Variants in BTN3A2 observed in about 807,000 individuals in gnomAD.
The protein encoded by BTN3A2 is butyrophilin subfamily 3 member A2.
BTN3A2 carries 25 observed loss-of-function variants against 37.6 expected under a neutral mutation model. The ratio of observed to expected loss-of-function variants is 0.66; its 90% CI spans 0.48 to 0.93. The LOEUF is 0.93. BTN3A2 is among the 40% of genes least tolerant of loss of function. The pLI, the probability that BTN3A2 is intolerant of heterozygous loss-of-function variation, is 0.00. For missense variants in BTN3A2, 266 were observed against 410.9 expected (o/e 0.65, Z 3.05); for synonymous variants, 122 against 159.4 (o/e 0.77, Z 1.77).
rs1561797857 is a variant in BTN3A2, at chr6:26,368,174, G to A, written c.-5-4G>A. The A allele has an allele frequency of 1.9e-6, 3 of 1,614,032 alleles. No individual in the cohort carries two copies. Among genetic ancestry groups the A allele is most frequent in the South Asian group, 2.2e-5 (2 of 91,078 alleles). On this transcript the variant is annotated splice_polypyrimidine_tract_variant and splice_region_variant and intron_variant, in intron 2 of 10. Transcript: ENST00000377708. Reference sequence around the variant, plus strand: ...CACACCTTCTGGTATCTCTTGATATGCAGCATAGATGAAAATGGCAAGTTC... The same window carrying A: ...CACACCTTCTGGTATCTCTTGATATACAGCATAGATGAAAATGGCAAGTTC...
Position 26,376,760 on chromosome 6 carries a change from G to A in BTN3A2, c.*998G>A. The A allele has an allele frequency of 6.2e-7, 1 of 1,607,650 alleles. No individual in the cohort carries two copies. The highest frequency in any genetic ancestry group is 1.1e-5 in the South Asian group (1 of 90,962). On this transcript the variant is annotated 3_prime_UTR_variant, in exon 11 of 11. Coordinates refer to ENST00000377708, the MANE Select transcript of BTN3A2 (RefSeq NM_007047.5). Reference sequence around the variant, plus strand: ...GACACTACTGGGAGGTGGAAGTGGGGGACAGAAAAGAGTGGCATATTGGGG... The same window carrying A: ...GACACTACTGGGAGGTGGAAGTGGGAGACAGAAAAGAGTGGCATATTGGGG...
intron 5 of BTN3A2, among the ~76,000 whole-genome samples, chr6:26,371,247 C>T (rs983357812): frequency 2.6e-5 from 4 of 151,648 alleles, no homozygotes; most frequent in Admixed American, 6.6e-5. Context: ...GATTACAGAG[C>T]GAGACTCTGT....
Position 26,377,168 on chromosome 6 carries a change from C to G in BTN3A2, c.*1406C>G, listed in dbSNP as rs1193502520. On this transcript the variant is annotated 3_prime_UTR_variant, in exon 11 of 11. Coordinates refer to ENST00000377708, the MANE Select transcript of BTN3A2 (RefSeq NM_007047.5). The stretch of plus-strand genomic sequence containing the variant: ...CCCTGGAGATACCACTGACCCCAGG[C>G]TTAGCTAATGAAAGTGGGGAGCCTC... The G allele has an allele frequency of 7.9e-7, 1 of 1,263,368 alleles. No homozygotes were observed. The allele number at this position is 1,263,368 out of a possible 1,614,324, so 78.3% of individuals were successfully genotyped here.
Position 26,378,063 on chromosome 6 carries a change from T to A in BTN3A2, c.*2301T>A, listed in dbSNP as rs1425318461. ...CCCTAGAGATTCTCTGTAATATTGG[T>A]AATTTGGATGAAGGAAGCTAGAAGA... On this transcript the variant is annotated 3_prime_UTR_variant, in exon 11 of 11. Coordinates refer to ENST00000377708, the MANE Select transcript of BTN3A2 (RefSeq NM_007047.5). The A allele has an allele frequency of 6.6e-6, 1 of 152,132 alleles. No individual in the cohort carries two copies. The highest frequency in any genetic ancestry group is 1.5e-5 in the Non-Finnish European group (1 of 68,030). The allele number at this position is 152,132 out of a possible 1,614,324, so 9.4% of individuals were successfully genotyped here.
In BTN3A2 at chr6:26,375,921, C is replaced by T. The variant is rs148632805; in HGVS notation, c.*159C>T. On this transcript the variant is annotated 3_prime_UTR_variant, in exon 11 of 11. Transcript: ENST00000377708. ...TCGAGTGAAGATTGAAAATTAACCT[C>T]TGAGGGCCAGCACAGCAGCTCATGC... 1.4e-6 allele frequency: 2 copies of T among 1,474,382 alleles called. No individual in the cohort carries two copies. Among genetic ancestry groups the T allele is most frequent in the Non-Finnish European group, 1.8e-6 (2 of 1,081,160 alleles). 91.3% of individuals were successfully genotyped at this position (1,474,382 alleles called of 1,614,324 possible). A position where few individuals can be genotyped will look rare whatever the true frequency, so the allele number is the denominator to read the frequency against.
Position 26,376,695 on chromosome 6 carries a change from C to G in BTN3A2, c.*933C>G, listed in dbSNP as rs538852052. On this transcript the variant is annotated 3_prime_UTR_variant, in exon 11 of 11. Coordinates refer to ENST00000377708, the MANE Select transcript of BTN3A2 (RefSeq NM_007047.5). ...AGACAACCCTGAGAGATTTGAATGG[C>G]GTTACTGTGTGCTTGGCTGTGAAAG... 1 of 1,548,872 alleles carries G rather than the reference C, an allele frequency of 6.5e-7. No homozygotes were observed. The highest frequency in any genetic ancestry group is 1.4e-5 in the African/African-American group (1 of 73,324).
In BTN3A2 at chr6:26,368,894, G is replaced by A. The variant is rs1759813644; in HGVS notation, c.415G>A (p.Val139Met). ...TGGTGACTTCTATGAAAAAGCCCTG[G>A]TGGAGCTGAAGGTTGCAGGTGAGCC... ...QDGDFYEKAL[V>M]ELKVAALGSN... The change falls in exon 4 of 11, where the codon GTG becomes ATG. Residue 139 changes from valine (V) to methionine (M), a missense_variant. Around this residue, in one of 3 missense-constraint regions of BTN3A2, gnomAD observed 15 missense variants for 101.0 expected, o/e 0.15. Transcript: ENST00000377708. 7 of 1,559,336 alleles carry A rather than the reference G, an allele frequency of 4.5e-6. No individual in the cohort carries two copies. The East Asian group carries it at 6.9e-5, about 15-fold the overall frequency.
chr6:26,375,480 T>A (rs1412012249), intron 10 of BTN3A2: 5 of 664,300 alleles, frequency 7.5e-6, no homozygotes, highest in African/African-American at 1.9e-5. Flanking sequence ...AAACGGTGTG[T>A]ATCTCCTTTC....
intron 4 of BTN3A2, among the ~76,000 whole-genome samples, chr6:26,370,098 C>T (rs746961495): frequency 6.6e-6 from 1 of 152,204 alleles, no homozygotes; most frequent in African/African-American, 2.4e-5. Context: ...TCCTCTCCTC[C>T]TCCCTCTGGT....
At chr6:26,374,693 C>T in intron 9 of BTN3A2, 78 bp from the exon 10 acceptor site, 2 of 1,394,280 alleles carry the variant, frequency 1.4e-6, no homozygotes, top group South Asian at 1.2e-5. Context: ...GGAGAGAAAA[C>T]ATGTAGTGAG....
In BTN3A2 at chr6:26,377,064, T is replaced by G. The variant is rs1156407755; in HGVS notation, c.*1302T>G. The stretch of plus-strand genomic sequence containing the variant: ...GTATCCTGTATTCAGAATTTTGACC[T>G]TGGAGCCCACTGCCCTGACCGTTTG... On this transcript the variant is annotated 3_prime_UTR_variant, in exon 11 of 11. Coordinates refer to ENST00000377708, the MANE Select transcript of BTN3A2 (RefSeq NM_007047.5). The G allele has an allele frequency of 7.2e-7, 1 of 1,384,794 alleles. No individual in the cohort carries two copies. The highest frequency in any genetic ancestry group is 2.3e-5 in the East Asian group (1 of 43,652). The allele number at this position is 1,384,794 out of a possible 1,614,324, so 85.8% of individuals were successfully genotyped here. A position where few individuals can be genotyped will look rare whatever the true frequency, so the allele number is the denominator to read the frequency against.
chr6:26,367,146 CT>C, intron 1 of BTN3A2, among the ~76,000 whole-genome samples: 1 of 152,254 alleles, frequency 6.6e-6, no homozygotes, highest in African/African-American at 2.4e-5. Flanking sequence ...TTTTTAATCA[CT>C]TAGTATATCT....
At position 26,370,604 on chromosome 6, in the gene BTN3A2, G is replaced by C. The variant is rs756458018; in HGVS notation, c.715+1G>C. The C allele has an allele frequency of 1.9e-6, 3 of 1,614,068 alleles. No individual in the cohort carries two copies. Among genetic ancestry groups the C allele is most frequent in the Non-Finnish European group, 2.5e-6 (3 of 1,179,934 alleles). On this transcript the variant is annotated splice_donor_variant, in intron 5 of 10. Coordinates refer to ENST00000377708, the MANE Select transcript of BTN3A2 (RefSeq NM_007047.5). LOFTEE classifies it high-confidence loss of function. ...AAGACAGCCAGCATTTCCATCGCAG[G>C]TCAGTACCTGCTTGGCCTCAGGTTT... is the stretch of plus-strand genomic sequence containing the variant.
chr6:26,375,742 A>C, intron 10 of BTN3A2, 55 bp from the exon 11 acceptor site: 2 of 1,548,148 alleles, frequency 1.3e-6, no homozygotes, highest in Non-Finnish European at 1.7e-6. Context: ...CTGAGTAAAT[A>C]ATATGATTGC....
In BTN3A2 at chr6:26,373,310, C is replaced by T. The variant is rs1439806381; in HGVS notation, c.937+14C>T. The T allele has an allele frequency of 2.5e-6, 4 of 1,597,516 alleles. No individual in the cohort carries two copies. The highest frequency in any genetic ancestry group is 2.6e-6 in the Non-Finnish European group (3 of 1,175,386). On this transcript the variant is annotated intron_variant, in intron 7 of 10. Coordinates refer to ENST00000377708, the MANE Select transcript of BTN3A2 (RefSeq NM_007047.5). ...AGGAGGAACTCAGTAAGTTACCATT[C>T]CCCCAGAGATCCAGACATGTCTTCC...
intron 4 of BTN3A2, among the ~76,000 whole-genome samples, chr6:26,369,156 G>A (rs72841510): frequency 0.13 from 19,499 of 152,178 alleles, 1,317 homozygotes; most frequent in South Asian, 0.17. Context: ...AGATATAAGC[G>A]AAGTGAAGGA....
At position 26,374,346 on chromosome 6, in the gene BTN3A2, C is replaced by T. The variant is rs527381201; in HGVS notation, c.984C>T (p.Ser328=). The change falls in exon 9 of 11, where the codon TCC becomes TCT. Residue 328 remains serine (S), a synonymous_variant. Coordinates refer to ENST00000377708, the MANE Select transcript of BTN3A2 (RefSeq NM_007047.5). The stretch of plus-strand genomic sequence containing the variant: ...TTGTAGGTGGAGAGGAGTCTTCGTC[C>T]GATACCAATAAGTCAGCCTGATGCT... The part of the protein sequence containing the change: ...QYLTRGEESS[S]DTNKSA 4.2e-5 allele frequency: 67 copies of T among 1,613,258 alleles called. No homozygotes were observed. The highest frequency in any genetic ancestry group is 4.5e-5 in the East Asian group (2 of 44,830).
In BTN3A2 at chr6:26,374,342, C is replaced by G. The variant is rs542217150; in HGVS notation, c.980C>G (p.Ser327Trp). Residue 327 changes from serine to tryptophan, a missense_variant, in exon 9 of 11, where the codon TCG becomes TGG. By Grantham distance (177) the Ser-to-Trp change is radical. This residue lies in a region of BTN3A2 where 204 missense variants were observed against 232.6 expected (regional missense o/e 0.88). Coordinates refer to ENST00000377708, the MANE Select transcript of BTN3A2 (RefSeq NM_007047.5). Reference sequence around the variant, plus strand: ...TTCATTGTAGGTGGAGAGGAGTCTTCGTCCGATACCAATAAGTCAGCCTGA... The same window carrying G: ...TTCATTGTAGGTGGAGAGGAGTCTTGGTCCGATACCAATAAGTCAGCCTGA... ...IQYLTRGEES[S>W]SDTNKSA The G allele has an allele frequency of 1.1e-4, 182 of 1,612,090 alleles. No homozygotes were observed. The highest frequency in any genetic ancestry group is 1.5e-4 in the Non-Finnish European group (174 of 1,179,548).
At chr6:26,367,853 A>C (rs932078689) in intron 1 of BTN3A2, 137 bp from the exon 2 acceptor site, 52 of 310,004 alleles carry the variant, frequency 1.7e-4, no homozygotes, top group Admixed American at 1.1e-3. Flanking sequence ...AGGGTCCTTC[A>C]TGAATCAGAG....
Sources: gnomAD v4.1 joint callset for allele counts (sites outside exome capture counted in the v4.1 genomes callset) on GRCh38, gnomAD v4.1.1 for gene constraint, gnomAD v4.1.1 regional missense constraint, MANE v1.5 for transcripts, NCBI Gene and HGNC (gene_info 2026-07-23, HGNC 2026-07-21) for gene names.